LENG9: variants seen among roughly 807,000 people sequenced by gnomAD.
The protein encoded by LENG9 is leukocyte receptor cluster member 9.
For synonymous variants in LENG9, 410 were observed against 303.9 expected, an observed-to-expected ratio of 1.35 and a Z score of -3.63; for missense variants, 872 against 652.7, an observed-to-expected ratio of 1.34 and a Z score of -3.66.
rs751778798 is a variant in LENG9 at position 54,462,068 on chromosome 19, CT to C, written c.*21del. The C allele has an allele frequency of 4.5e-6, 7 of 1,546,260 alleles. No homozygotes were observed. Among genetic ancestry groups the C allele is most frequent in the Non-Finnish European group, 5.2e-6 (6 of 1,149,800 alleles). On this transcript the variant is annotated 3_prime_UTR_variant, in exon 1 of 1. Coordinates refer to ENST00000611161, the MANE Select transcript of LENG9 (RefSeq NM_001301782.2). ...TGTGTGGGCTGTTTGCATCCATTGT[CT>C]CCTCCAGAGGTCTGGGGGTGTCACT...
chr19:54,463,320 G>C lies in LENG9; in HGVS notation c.207C>G (p.Asp69Glu). 1.3e-6 allele frequency: 2 copies of C among 1,516,908 alleles called. No homozygotes were observed. Among genetic ancestry groups the C allele is most frequent in the African/African-American group, 1.4e-5 (1 of 70,532 alleles). 94.0% of individuals were successfully genotyped at this position (1,516,908 alleles called of 1,614,324 possible). The change falls in exon 1 of 1, where the codon GAC becomes GAG. Residue 69 changes from aspartate to glutamate, a missense_variant. By Grantham distance (45) the Asp-to-Glu change is conservative. Coordinates refer to ENST00000611161, the MANE Select transcript of LENG9 (RefSeq NM_001301782.2). ...AKKPPLRTAA[D>E]VIQRIRWDPR... ...GGTCCCAGCGGATGCGCTGGATGAC[G>C]TCCGCGGCTGTGCGCAGCGGCGGCT...
In LENG9 at chr19:54,462,516, GT is replaced by G. The variant is rs1286551305; in HGVS notation, c.1010del (p.Asn337ThrfsTer4). 10 of 1,613,476 alleles carry G rather than the reference GT, an allele frequency of 6.2e-6. No homozygotes were observed. The highest frequency in any genetic ancestry group is 5.9e-6 in the Non-Finnish European group (7 of 1,180,034). Reference protein sequence around the residue: ...HCANFLVPSQNLHLTLALLRL... With the variant: ...HCANFLVPSQXLHLTLALLRL... ...GCAGCAGGGCCAGGGTCAGGTGTAGGTTCTGAGAGGGCACTAGGAAGTTGGC... is the reference window on the plus strand; with the variant it reads ...GCAGCAGGGCCAGGGTCAGGTGTAGGTCTGAGAGGGCACTAGGAAGTTGGC... On this transcript the variant is annotated frameshift_variant, in exon 1 of 1. Transcript: ENST00000611161. LOFTEE classifies it low-confidence loss of function (END_TRUNC).
Position 54,462,765 on chromosome 19 carries a change from GCCC to G in LENG9, c.759_761del (p.Gly254del). ...GGACTCCCAGGGCCTGTGCTTCCTT[GCCC>G]CCCAGCAATGTGGTCCTGGTGGCTG... On this transcript the variant is annotated inframe_deletion, in exon 1 of 1. Coordinates refer to ENST00000611161, the MANE Select transcript of LENG9 (RefSeq NM_001301782.2). The G allele has an allele frequency of 1.2e-6, 2 of 1,611,108 alleles. No homozygotes were observed. Among genetic ancestry groups the G allele is most frequent in the Non-Finnish European group, 1.7e-6 (2 of 1,179,912 alleles).
chr19:54,463,641 G>T lies in LENG9; in HGVS notation c.-115C>A, dbSNP rs1468265795. On this transcript the variant is annotated 5_prime_UTR_variant, in exon 1 of 1. Transcript: ENST00000611161. Reference sequence around the variant, plus strand: ...AGTGGCGTCAGCGGCCCGCGCTCCGGCCTAGCTCTGGGGACCACGCCGCGT... The same window carrying T: ...AGTGGCGTCAGCGGCCCGCGCTCCGTCCTAGCTCTGGGGACCACGCCGCGT... 1.6e-6 allele frequency: 2 copies of T among 1,247,800 alleles called. No homozygotes were observed. Among genetic ancestry groups the T allele is most frequent in the African/African-American group, 1.6e-5 (1 of 63,286 alleles). The allele number at this position is 1,247,800 out of a possible 1,614,324, so 77.3% of individuals were successfully genotyped here.
Position 54,463,551 on chromosome 19 carries a change from C to T in LENG9, c.-25G>A, listed in dbSNP as rs2084672307. On this transcript the variant is annotated 5_prime_UTR_variant, in exon 1 of 1. Transcript: ENST00000611161. ...TGGGTGCGGGGAACTGGCACGCCCG[C>T]CGCGCAGACGAGGTCGCCCCGCACG... 3.6e-6 allele frequency: 5 copies of T among 1,386,066 alleles called. No individual in the cohort carries two copies. The South Asian group carries it at 4.7e-5, about 13-fold the overall frequency. 85.9% of individuals were successfully genotyped at this position (1,386,066 alleles called of 1,614,324 possible).
At position 54,463,047 on chromosome 19, in the gene LENG9, G is replaced by C. The variant is rs760338673; in HGVS notation, c.480C>G (p.Asp160Glu). The change falls in exon 1 of 1, where the codon GAC becomes GAG. Residue 160 changes from aspartate to glutamate, a missense_variant. By Grantham distance (45) the Asp-to-Glu change is conservative (BLOSUM62 2). Coordinates refer to ENST00000611161, the MANE Select transcript of LENG9 (RefSeq NM_001301782.2). ...CGTGGGCGCCCTCGGTGTTCGGTGC[G>C]TCCAGGATGGTGGGCCCGCGTCCCG... ...SAAGRGPTILDAPNTEGAHGA... is the reference protein window; with the variant it reads ...SAAGRGPTILEAPNTEGAHGA... 2 of 1,602,096 alleles carry C rather than the reference G, an allele frequency of 1.2e-6. No individual in the cohort carries two copies. Among genetic ancestry groups the C allele is most frequent in the East Asian group, 2.2e-5 (1 of 44,822 alleles).
Position 54,463,336 on chromosome 19 carries a change from A to T in LENG9, c.191T>A (p.Leu64Gln). The T allele has an allele frequency of 1.4e-6, 2 of 1,463,314 alleles. No homozygotes were observed. The highest frequency in any genetic ancestry group is 2.6e-5 in the South Asian group (2 of 77,164). 90.6% of individuals were successfully genotyped at this position (1,463,314 alleles called of 1,614,324 possible). A position where few individuals can be genotyped will look rare whatever the true frequency, so the allele number is the denominator to read the frequency against. ...CTGGATGACGTCCGCGGCTGTGCGC[A>T]GCGGCGGCTTCTTGGCCCCGGCCTC... Reference protein sequence around the residue: ...QPEAGAKKPPLRTAADVIQRI... With the variant: ...QPEAGAKKPPQRTAADVIQRI... The change falls in exon 1 of 1, where the codon CTG becomes CAG. Residue 64 changes from leucine (L) to glutamine (Q), a missense_variant. Leu to Gln is a moderately radical substitution (Grantham distance 113, BLOSUM62 -2). Transcript: ENST00000611161.
Position 54,463,376 on chromosome 19 carries a change from G to A in LENG9, c.151C>T (p.Arg51Cys). The A allele has an allele frequency of 2.3e-6, 3 of 1,303,922 alleles. No individual in the cohort carries two copies. The highest frequency in any genetic ancestry group is 2.9e-6 in the Non-Finnish European group (3 of 1,029,836). The allele number at this position is 1,303,922 out of a possible 1,614,324, so 80.8% of individuals were successfully genotyped here. A position where few individuals can be genotyped will look rare whatever the true frequency, so the allele number is the denominator to read the frequency against. Residue 51 changes from arginine to cysteine, a missense_variant, in exon 1 of 1, where the codon CGC (arginine) becomes TGC (cysteine). Arg to Cys is a radical substitution (Grantham distance 180). Coordinates refer to ENST00000611161, the MANE Select transcript of LENG9 (RefSeq NM_001301782.2). ...PHPGAPAPPG[R>C]EAQPEAGAKK... ...GCCCCGGCCTCCGGCTGCGCCTCGC[G>A]GCCAGGCGGCGCCGGCGCCCCAGGG...
rs764184447 is a variant in LENG9, at chr19:54,462,235, G to A, written c.1292C>T (p.Pro431Leu). Residue 431 changes from proline (P) to leucine (L), a missense_variant, in exon 1 of 1, where the codon CCC becomes CTC. Physicochemically the swap from Pro to Leu is moderately conservative, Grantham distance 98 (BLOSUM62 -3). Coordinates refer to ENST00000611161, the MANE Select transcript of LENG9 (RefSeq NM_001301782.2). Reference sequence around the variant, plus strand: ...GGGGAGGTGGACCTGGGAACCATGGGGCACCTTGGCCACGGTGAGGTGGGG... The same window carrying A: ...GGGGAGGTGGACCTGGGAACCATGGAGCACCTTGGCCACGGTGAGGTGGGG... Reference protein sequence around the residue: ...LHPHLTVAKVPHGSQVHLPKL... With the variant: ...LHPHLTVAKVLHGSQVHLPKL... The A allele has an allele frequency of 3.1e-6, 5 of 1,613,290 alleles. No homozygotes were observed. In the South Asian group the frequency reaches 3.3e-5, roughly 11 times the overall value.
In LENG9 at chr19:54,463,226, A is replaced by T. The variant is rs1369343644; in HGVS notation, c.301T>A (p.Phe101Ile). Residue 101 changes from phenylalanine (F) to isoleucine (I), a missense_variant, in exon 1 of 1, where the codon TTC (phenylalanine) becomes ATC (isoleucine). Physicochemically the swap from Phe to Ile is conservative, Grantham distance 21. Transcript: ENST00000611161. ...GGCTGGTCCCAGCAAAAGGCGCTGA[A>T]GGGCTCCTCGCGCACACCCAGAAAG... The part of the protein sequence containing the change: ...DRFLGVREEP[F>I]SAFCWDQPLA... 6 of 1,548,092 alleles carry T rather than the reference A, an allele frequency of 3.9e-6. No homozygotes were observed. The African/African-American group carries it at 5.4e-5, about 14-fold the overall frequency.
In LENG9 at chr19:54,462,149, A is replaced by G. The variant is rs765027862; in HGVS notation, c.1378T>C (p.Cys460Arg). 2.5e-6 allele frequency: 4 copies of G among 1,605,488 alleles called. No homozygotes were observed. Among genetic ancestry groups the G allele is most frequent in the Non-Finnish European group, 3.4e-6 (4 of 1,175,088 alleles). Residue 460 changes from cysteine (C) to arginine (R), a missense_variant, in exon 1 of 1, where the codon TGC (cysteine) becomes CGC (arginine). By Grantham distance (180) the Cys-to-Arg change is radical (BLOSUM62 -3). Transcript: ENST00000611161. ...GCQPLQTLWL[C>R]RIGRTGGPFQ... is the part of the protein sequence containing the mutation. ...GGCCCCCCTGTCCTCCCTATACGGC[A>G]CAGCCAGAGTGTCTGCAGGGGCTGG...
At position 54,463,461 on chromosome 19, in the gene LENG9, C is replaced by T; in HGVS notation, c.66G>A (p.Pro22=). The T allele has an allele frequency of 7.8e-7, 1 of 1,284,650 alleles. No individual in the cohort carries two copies. The allele number at this position is 1,284,650 out of a possible 1,614,324, so 79.6% of individuals were successfully genotyped here. A position where few individuals can be genotyped will look rare whatever the true frequency, so the allele number is the denominator to read the frequency against. Residue 22 remains proline (P), a synonymous_variant, in exon 1 of 1, where the codon CCG becomes CCA. Coordinates refer to ENST00000611161, the MANE Select transcript of LENG9 (RefSeq NM_001301782.2). ...GGCCTTCCAGGAAGAAGCGGCAGGC[C>T]GGCGGGGGCGCGGGTTCCGTGGCGG... The part of the protein sequence containing the change: ...EAPATEPAPP[P]ACRFFLEGRC...
rs1313071021 is a variant in LENG9, at chr19:54,463,601, C to T, written c.-75G>A. 2.3e-6 allele frequency: 3 copies of T among 1,295,490 alleles called. No homozygotes were observed. The highest frequency in any genetic ancestry group is 2.1e-5 in the South Asian group (1 of 47,926). The allele number at this position is 1,295,490 out of a possible 1,614,324, so 80.2% of individuals were successfully genotyped here. A position where few individuals can be genotyped will look rare whatever the true frequency, so the allele number is the denominator to read the frequency against. ...GGAGGGCGGCTCCCCTTGGATGCACCGAGCCTCACCCGACAGTGGCGTCAG... is the reference window on the plus strand; with the variant it reads ...GGAGGGCGGCTCCCCTTGGATGCACTGAGCCTCACCCGACAGTGGCGTCAG... On this transcript the variant is annotated 5_prime_UTR_variant, in exon 1 of 1. Coordinates refer to ENST00000611161, the MANE Select transcript of LENG9 (RefSeq NM_001301782.2).
Position 54,462,965 on chromosome 19 carries a change from G to A in LENG9, c.562C>T (p.Pro188Ser). ...AGCGGCCTTGTGCTCCCTCGCTTGG[G>A]GGCAGCCTGGGCCTCCTGACCTGTC... ...AGTGQEAQAAPKRGSTRPLCT... is the reference protein window; with the variant it reads ...AGTGQEAQAASKRGSTRPLCT... Residue 188 changes from proline to serine, a missense_variant, in exon 1 of 1, where the codon CCC (proline) becomes TCC (serine). Coordinates refer to ENST00000611161, the MANE Select transcript of LENG9 (RefSeq NM_001301782.2). The A allele has an allele frequency of 1.2e-6, 2 of 1,608,714 alleles. No homozygotes were observed. The highest frequency in any genetic ancestry group is 1.7e-6 in the Non-Finnish European group (2 of 1,179,734).
At position 54,462,801 on chromosome 19, in the gene LENG9, C is replaced by T; in HGVS notation, c.726G>A (p.Lys242=). ...GRLAGVTEAL[K]PTAATRTTLL... is the part of the protein sequence containing the mutation. ...ATGTGGTCCTGGTGGCTGCTGTTGG[C>T]TTCAGTGCCTCAGTCACTCCGGCGA... is the stretch of plus-strand genomic sequence containing the variant. The change falls in exon 1 of 1, where the codon AAG becomes AAA. Residue 242 remains lysine, a synonymous_variant. Transcript: ENST00000611161. 1 of 1,571,000 alleles carries T rather than the reference C, an allele frequency of 6.4e-7. No individual in the cohort carries two copies.
Position 54,463,386 on chromosome 19 carries a change from C to A in LENG9, c.141G>T (p.Ala47=). ...CCGGCTGCGCCTCGCGGCCAGGCGG[C>A]GCCGGCGCCCCAGGGTGGGGCTGGC... ...RCRQPHPGAP[A]PPGREAQPEA... Residue 47 remains alanine, a synonymous_variant, in exon 1 of 1, where the codon GCG becomes GCT. Transcript: ENST00000611161. 1 of 1,293,338 alleles carries A rather than the reference C, an allele frequency of 7.7e-7. No individual in the cohort carries two copies. The highest frequency in any genetic ancestry group is 9.8e-7 in the Non-Finnish European group (1 of 1,024,142). The allele number at this position is 1,293,338 out of a possible 1,614,324, so 80.1% of individuals were successfully genotyped here.
In LENG9 at chr19:54,461,772, T is replaced by C. The variant is rs1444259012; in HGVS notation, c.*318A>G. The C allele has an allele frequency of 1.5e-5, 9 of 586,562 alleles. No homozygotes were observed. The highest frequency in any genetic ancestry group is 9.2e-5 in the South Asian group (6 of 65,510). 36.3% of individuals were successfully genotyped at this position (586,562 alleles called of 1,614,324 possible). ...TTTGTGTGTGTGTTTATTTAAGTTA[T>C]TTTTCTTCCTCCTCTCCCTTTTCTT... On this transcript the variant is annotated 3_prime_UTR_variant, in exon 1 of 1. Transcript: ENST00000611161.
chr19:54,463,716 C>G lies in LENG9; in HGVS notation c.-190G>C. ...TCCCTCCTTGGTGGAGAGCCTGACA[C>G]CGCTGCTCTGGGACTTCCCGGCTGC... On this transcript the variant is annotated 5_prime_UTR_variant, in exon 1 of 1. Coordinates refer to ENST00000611161, the MANE Select transcript of LENG9 (RefSeq NM_001301782.2). 1 of 745,326 alleles carries G rather than the reference C, an allele frequency of 1.3e-6. No individual in the cohort carries two copies. Among genetic ancestry groups the G allele is most frequent in the Non-Finnish European group, 1.9e-6 (1 of 539,036 alleles). 46.2% of individuals were successfully genotyped at this position (745,326 alleles called of 1,614,324 possible).
rs1443716961 is a variant in LENG9 at position 54,463,186 on chromosome 19, C to A, written c.341G>T (p.Gly114Val). The stretch of plus-strand genomic sequence containing the variant: ...CTGGGGCACTGCCAGCACGCCCGGC[C>A]CGAGCGCCGCCAGCGGCTGGTCCCA... ...FCWDQPLAAL[G>V]PGVLAVPQHR... is the part of the protein sequence containing the mutation. The change falls in exon 1 of 1, where the codon GGG (glycine) becomes GTG (valine). Residue 114 changes from glycine to valine, a missense_variant. Gly to Val is a moderately radical substitution (Grantham distance 109). Coordinates refer to ENST00000611161, the MANE Select transcript of LENG9 (RefSeq NM_001301782.2). The A allele has an allele frequency of 3.2e-6, 5 of 1,569,792 alleles. No individual in the cohort carries two copies. Among genetic ancestry groups the A allele is most frequent in the Non-Finnish European group, 4.3e-6 (5 of 1,164,306 alleles).
Sources: allele counts gnomAD v4.1 joint callset, GRCh38; gene constraint gnomAD v4.1.1; transcripts MANE v1.5; gene names NCBI Gene and HGNC (gene_info 2026-07-23, HGNC 2026-07-21).